Variants in NRG2 observed in about 807,000 individuals in gnomAD.
NRG2 encodes the protein pro-neuregulin-2, membrane-bound isoform.
NRG2 carries 27 observed loss-of-function variants against 73.9 expected under a neutral mutation model. That is an observed-to-expected ratio of 0.37 (90% CI 0.27 to 0.50). The LOEUF is 0.50. Ranked by LOEUF, NRG2 falls within the 20% of genes least tolerant of loss-of-function variation. The probability of loss-of-function intolerance (pLI) is 0.96; values close to 1 mark genes in which losing one functional copy is unlikely to be tolerated. For missense variants in NRG2, 1,126 were observed against 1,210.1 expected, an observed-to-expected ratio of 0.93 and a Z score of 1.03; for synonymous variants, 532 against 541.0, an observed-to-expected ratio of 0.98 and a Z score of 0.23.
intron 1 of NRG2, among the ~76,000 whole-genome samples, chr5:140,022,777 A>C (rs1303130257): frequency 1.3e-5 from 2 of 152,252 alleles, no homozygotes; most frequent in Middle Eastern, 3.2e-3. Flanking sequence ...CCAAGTACGT[A>C]TTAAGTGTCA....
chr5:139,886,611 T>A (rs542651713), intron 2 of NRG2, among the ~76,000 whole-genome samples: 7 of 151,950 alleles, frequency 4.6e-5, no homozygotes, highest in African/African-American at 1.7e-4. Flanking sequence ...CAGGCAGGGG[T>A]TTTCCCCCTT....
At chr5:139,963,436 G>A (rs1162628143) in intron 1 of NRG2, among the ~76,000 whole-genome samples, 1 of 152,186 alleles carries the variant, frequency 6.6e-6, no homozygotes, top group Non-Finnish European at 1.5e-5. Flanking sequence ...ATCTGTGCTG[G>A]AGTCTTTTGA....
At chr5:139,964,253 C>A (rs1755305239) in intron 1 of NRG2, among the ~76,000 whole-genome samples, 1 of 152,172 alleles carries the variant, frequency 6.6e-6, no homozygotes, top group Non-Finnish European at 1.5e-5. Context: ...CAGCCTGGCC[C>A]TCCAATGTCT....
intron 1 of NRG2, among the ~76,000 whole-genome samples, chr5:140,012,908 A>G (rs1580943238): frequency 6.6e-6 from 1 of 152,204 alleles, no homozygotes; most frequent in Admixed American, 6.5e-5. Flanking sequence ...AGAAATGCAC[A>G]CAATCACCTA....
chr5:139,857,106 C>T (rs1761856936), intron 5 of NRG2, among the ~76,000 whole-genome samples: 1 of 152,216 alleles, frequency 6.6e-6, no homozygotes, highest in African/African-American at 2.4e-5. Context: ...CCCAGCTGCT[C>T]TCCTCCTTCT....
Position 139,848,286 on chromosome 5 carries a change from G to A in NRG2, c.2184C>T (p.Arg728=). 9 of 1,124,290 alleles carry A rather than the reference G, an allele frequency of 8.0e-6. No individual in the cohort carries two copies. In the South Asian group the frequency reaches 2.6e-4, roughly 32 times the overall value. 69.6% of individuals were successfully genotyped at this position (1,124,290 alleles called of 1,614,324 possible). ...ECAPPPPPRP[R]ARGASRRTSA... is the part of the protein sequence containing the mutation. ...ACGTCCTGCGGGACGCACCGCGCGC[G>A]CGCGGCCGCGGCGGCGGCGGGGGCG... The change falls in exon 10 of 10, where the codon CGC becomes CGT. Residue 728 remains arginine, a synonymous_variant. Coordinates refer to ENST00000361474, the MANE Select transcript of NRG2 (RefSeq NM_004883.3).
intron 1 of NRG2, among the ~76,000 whole-genome samples, chr5:139,987,613 G>A (rs943039758): frequency 1.3e-5 from 2 of 152,112 alleles, no homozygotes; most frequent in African/African-American, 4.8e-5. Context: ...CCTGAATACA[G>A]AGCTTTGAAT....
intron 1 of NRG2, among the ~76,000 whole-genome samples, chr5:139,890,951 C>CCTCCAACTAGTCCCTTCTCCTTT (rs1764176778): frequency 6.6e-6 from 1 of 152,182 alleles, no homozygotes; most frequent in African/African-American, 2.4e-5. Context: ...CAAGTGATGA[C>CCTCCAACTAGTCCCTTCTCCTTT]CTCCAACTAG....
intron 2 of NRG2, among the ~76,000 whole-genome samples, chr5:139,883,611 CAG>C (rs1763682090): frequency 6.6e-6 from 1 of 152,140 alleles, no homozygotes; most frequent in Non-Finnish European, 1.5e-5. Context: ...GCAGACAAGA[CAG>C]AGAACATTTT....
chr5:140,039,296 G>GT (rs1761737073), intron 1 of NRG2, among the ~76,000 whole-genome samples: 1 of 152,160 alleles, frequency 6.6e-6, no homozygotes, highest in Non-Finnish European at 1.5e-5. Context: ...AGAACATGAT[G>GT]TTTTTATAAC....
chr5:139,993,293 C>A (rs192735670), intron 1 of NRG2, among the ~76,000 whole-genome samples: 2 of 152,192 alleles, frequency 1.3e-5, no homozygotes, highest in Non-Finnish European at 2.9e-5. Context: ...AAGAGCCCCA[C>A]AAAAATTCTC....
chr5:139,920,080 A>G (rs1751548392), intron 1 of NRG2, among the ~76,000 whole-genome samples: 1 of 152,238 alleles, frequency 6.6e-6, no homozygotes, highest in South Asian at 2.1e-4. Context: ...CAGGGAGAAT[A>G]GCATATGCAA....
chr5:139,880,814 C>T, intron 3 of NRG2, 42 bp downstream of exon 3: 1 of 1,554,320 alleles, frequency 6.4e-7, no homozygotes, highest in South Asian at 1.1e-5. Context: ...CCCGCCCTGC[C>T]AAACCCCTCT....
At chr5:139,907,754 G>T (rs1765326539) in intron 1 of NRG2, among the ~76,000 whole-genome samples, 1 of 152,210 alleles carries the variant, frequency 6.6e-6, no homozygotes, top group Admixed American at 6.5e-5. Flanking sequence ...TGAAGGATGG[G>T]TAGGATTTTG....
intron 1 of NRG2, among the ~76,000 whole-genome samples, chr5:139,981,902 G>T (rs529552683): frequency 6.6e-6 from 1 of 152,330 alleles, no homozygotes; most frequent in East Asian, 1.9e-4. Context: ...ATGCTGGAGA[G>T]GAGGCATGGG....
At chr5:139,891,629 T>TAA (rs35065387) in intron 1 of NRG2, among the ~76,000 whole-genome samples, 8,616 of 145,768 alleles carry the variant, frequency 0.059, 245 homozygotes, top group East Asian at 0.082. Context: ...ATGAGACAGT[T>TAA]AAAAAAAAAA....
intron 1 of NRG2, among the ~76,000 whole-genome samples, chr5:139,917,833 T>C (rs770677731): frequency 2.0e-5 from 3 of 152,232 alleles, no homozygotes; most frequent in Admixed American, 6.5e-5. Context: ...TCTCCCAATC[T>C]GTGGGTCGTC....
chr5:139,859,888 C>T, intron 5 of NRG2: 1 of 1,612,418 alleles, frequency 6.2e-7, no homozygotes, highest in Non-Finnish European at 8.5e-7. Flanking sequence ...AGGTTTCATA[C>T]CCTTTAATTC....
At chr5:139,934,658 C>A (rs1207931335) in intron 1 of NRG2, among the ~76,000 whole-genome samples, 4 of 152,044 alleles carry the variant, frequency 2.6e-5, no homozygotes, top group African/African-American at 9.7e-5. Flanking sequence ...GTGTAAACAT[C>A]CCAATTTTAA....
Sources: gnomAD v4.1 joint callset for allele counts (sites outside exome capture counted in the v4.1 genomes callset) on GRCh38, gnomAD v4.1.1 for gene constraint, MANE v1.5 for transcripts, NCBI Gene and HGNC (gene_info 2026-07-23, HGNC 2026-07-21) for gene names.